Variants in IGFL2 observed in about 807,000 individuals in gnomAD.
The protein encoded by IGFL2 is insulin growth factor-like family member 2.
In IGFL2, 7 loss-of-function variants were observed where a neutral mutation model predicts 13.9. The ratio of observed to expected loss-of-function variants is 0.51; its 90% CI spans 0.29 to 0.95. The LOEUF (loss-of-function observed/expected upper bound fraction) is 0.95, where lower values mean the gene tolerates loss of function less well. Ranked by LOEUF, IGFL2 falls within the 40% of genes least tolerant of loss-of-function variation. IGFL2 has a pLI of 0.08. For missense variants in IGFL2, 138 were observed against 147.8 expected (o/e 0.93, Z 0.34); for synonymous variants, 55 against 55.8 (o/e 0.99, Z 0.07).
chr19:46,166,958 C>T, the IGFL2 span, among the ~76,000 whole-genome samples: 1 of 152,058 alleles, frequency 6.6e-6, no homozygotes, highest in Non-Finnish European at 1.5e-5. Context: ...ACAATTATTA[C>T]AGGGTCCTGG....
chr19:46,174,345 G>T, the IGFL2 span, among the ~76,000 whole-genome samples: 1 of 152,144 alleles, frequency 6.6e-6, no homozygotes, highest in Non-Finnish European at 1.5e-5. Flanking sequence ...ACCCGCCCTT[G>T]TGGCTGGCTC....
the IGFL2 span, among the ~76,000 whole-genome samples, chr19:46,192,579 C>T: frequency 6.6e-6 from 1 of 151,874 alleles, no homozygotes; most frequent in South Asian, 2.1e-4. Context: ...ACCACCATGC[C>T]GGGCTAACTT....
chr19:46,156,694 A>G (rs1973842246), intron 1 of IGFL2, among the ~76,000 whole-genome samples: 1 of 152,206 alleles, frequency 6.6e-6, no homozygotes, highest in Admixed American at 6.5e-5. Flanking sequence ...GAAAAAAGGA[A>G]AAATCAATAA....
At chr19:46,183,872 G>A in the IGFL2 span, among the ~76,000 whole-genome samples, 2 of 151,974 alleles carry the variant, frequency 1.3e-5, no homozygotes, top group Non-Finnish European at 2.9e-5. Flanking sequence ...CTTGTCTTTC[G>A]CTTCTCTACT....
the IGFL2 span, chr19:46,212,215 C>G: frequency 6.6e-6 from 1 of 152,244 alleles, no homozygotes; most frequent in African/African-American, 2.4e-5. Context: ...GAAGCAGGGT[C>G]TGCTCTTCCC....
the IGFL2 span, among the ~76,000 whole-genome samples, chr19:46,195,411 C>T: frequency 1.3e-5 from 2 of 152,258 alleles, no homozygotes; most frequent in African/African-American, 2.4e-5. Context: ...ATGACTATTA[C>T]ACCCTTTGTA....
chr19:46,192,651 T>G, the IGFL2 span, among the ~76,000 whole-genome samples: 1 of 151,904 alleles, frequency 6.6e-6, no homozygotes, highest in Non-Finnish European at 1.5e-5. Context: ...GAACTCCTGA[T>G]CTTGTGATCC....
chr19:46,207,249 T>C, the IGFL2 span: 1 of 152,196 alleles, frequency 6.6e-6, no homozygotes, highest in African/African-American at 2.4e-5. Flanking sequence ...GTTTGGTCCT[T>C]ATCTCCTCGC....
the IGFL2 span, among the ~76,000 whole-genome samples, chr19:46,166,616 G>A: frequency 6.6e-6 from 1 of 152,170 alleles, no homozygotes; most frequent in Non-Finnish European, 1.5e-5. Context: ...GCCTGGGAGC[G>A]CTATGGGAGA....
chr19:46,131,093 G>C, the IGFL2 span, among the ~76,000 whole-genome samples: 1 of 152,088 alleles, frequency 6.6e-6, no homozygotes. Flanking sequence ...TATAAGATGT[G>C]ATGCTGAGTC....
chr19:46,170,980 T>C, the IGFL2 span, among the ~76,000 whole-genome samples: 1 of 152,282 alleles, frequency 6.6e-6, no homozygotes, highest in East Asian at 1.9e-4. Context: ...CCTTGAAGCA[T>C]GTGATCTCTG....
At chr19:46,150,234 T>C (rs1346529703) in intron 1 of IGFL2, among the ~76,000 whole-genome samples, 1 of 152,210 alleles carries the variant, frequency 6.6e-6, no homozygotes, top group Non-Finnish European at 1.5e-5. Context: ...TATTTTATTA[T>C]TATTTAGTTG....
chr19:46,139,850 T>C (rs1972777405), upstream of IGFL2, among the ~76,000 whole-genome samples: 1 of 141,492 alleles, frequency 7.1e-6, no homozygotes, highest in African/African-American at 2.4e-5. Flanking sequence ...TATTTATATG[T>C]GTGTATGTAT....
chr19:46,105,110 G>C, the IGFL2 span, among the ~76,000 whole-genome samples: 5 of 152,220 alleles, frequency 3.3e-5, no homozygotes, highest in Non-Finnish European at 5.9e-5. Flanking sequence ...AATGACTCCA[G>C]CTTCCTTTGG....
the IGFL2 span, among the ~76,000 whole-genome samples, chr19:46,121,698 G>T: frequency 1.3e-5 from 2 of 150,898 alleles, no homozygotes; most frequent in African/African-American, 4.9e-5. Flanking sequence ...AAGAAAGGCA[G>T]ATTTTTTAGA....
the IGFL2 span, among the ~76,000 whole-genome samples, chr19:46,100,258 C>T: frequency 5.9e-4 from 90 of 152,092 alleles, no homozygotes; most frequent in Admixed American, 1.3e-3. Context: ...ATGAGTTTGT[C>T]TAGTTTCAAT....
chr19:46,174,378 T>C, the IGFL2 span, among the ~76,000 whole-genome samples: 1 of 152,192 alleles, frequency 6.6e-6, no homozygotes, highest in African/African-American at 2.4e-5. Context: ...TCCTGAGATC[T>C]GACACGAGAT....
the IGFL2 span, among the ~76,000 whole-genome samples, chr19:46,097,747 T>A: frequency 6.6e-6 from 1 of 152,184 alleles, no homozygotes; most frequent in African/African-American, 2.4e-5. Flanking sequence ...TTTACTTCTG[T>A]CTTAATTTCA....
the IGFL2 span, chr19:46,209,293 C>T: frequency 6.6e-6 from 1 of 152,242 alleles, no homozygotes; most frequent in Non-Finnish European, 1.5e-5. Flanking sequence ...GAATTGTTGC[C>T]TGAAGGTCTT....
Sources: allele counts gnomAD v4.1 joint callset (sites outside exome capture counted in the v4.1 genomes callset), GRCh38; gene constraint gnomAD v4.1.1; transcripts MANE v1.5; gene names NCBI Gene and HGNC (gene_info 2026-07-23, HGNC 2026-07-21).